Variants in DHX37 observed in about 807,000 individuals in gnomAD.
DHX37 encodes DEAH-box helicase 37, also known as probable ATP-dependent RNA helicase DHX37.
DHX37 carries 52 observed loss-of-function variants against 134.3 expected under a neutral mutation model. That is an observed-to-expected ratio of 0.39 (90% CI 0.31 to 0.49). DHX37 has a LOEUF of 0.49. Among genes scored for constraint, DHX37 ranks in the 20% least tolerant of loss-of-function variants. The probability of loss-of-function intolerance (pLI) is 0.93; values close to 1 mark genes in which losing one functional copy is unlikely to be tolerated. For missense variants in DHX37, 1,344 were observed against 1,580.8 expected, an observed-to-expected ratio of 0.85 and a Z score of 2.54; for synonymous variants, 634 against 670.7, an observed-to-expected ratio of 0.95 and a Z score of 0.85.
chr12:124,965,054 C>T, intron 13 of DHX37, 48 bp from the exon 14 acceptor site: 1 of 1,561,490 alleles, frequency 6.4e-7, no homozygotes, highest in South Asian at 1.2e-5. Flanking sequence ...GACAGATGCC[C>T]ACAGGCAGGA....
chr12:124,970,514 G>A (rs35428999), intron 8 of DHX37, among the ~76,000 whole-genome samples: 33,362 of 151,970 alleles, frequency 0.22, 4,358 homozygotes, highest in Non-Finnish European at 0.3. Flanking sequence ...AATGCACGCC[G>A]CTCACTCCCT....
intron 18 of DHX37, among the ~76,000 whole-genome samples, 194 bp from the exon 19 acceptor site, chr12:124,954,405 C>CT (rs913342364): frequency 4.9e-4 from 74 of 150,016 alleles, no homozygotes; most frequent in East Asian, 1.8e-3. Context: ...TTTTTTTTTT[C>CT]TTTTTTTTGA....
At chr12:124,960,932 C>T (rs572242433) in intron 15 of DHX37, among the ~76,000 whole-genome samples, 2 of 152,306 alleles carry the variant, frequency 1.3e-5, no homozygotes, top group East Asian at 1.9e-4. Flanking sequence ...CCAGCCTGGG[C>T]GACAGAGCGA....
At chr12:124,952,156 C>CA (rs1487733640) in intron 21 of DHX37, among the ~76,000 whole-genome samples, 7 of 151,808 alleles carry the variant, frequency 4.6e-5, no homozygotes, top group African/African-American at 1.5e-4. Flanking sequence ...CTAGAAAACA[C>CA]AAAAAACCCC....
chr12:124,957,350 C>T (rs1185136086), intron 16 of DHX37, among the ~76,000 whole-genome samples: 1 of 152,198 alleles, frequency 6.6e-6, no homozygotes, highest in Non-Finnish European at 1.5e-5. Context: ...CACTCAAAAA[C>T]ACGTCCCAAG....
At chr12:124,982,198 C>T (rs147328578) in intron 3 of DHX37, among the ~76,000 whole-genome samples, 64 of 151,964 alleles carry the variant, frequency 4.2e-4, no homozygotes, top group African/African-American at 1.4e-3. Flanking sequence ...CCCTTGACCA[C>T]CTAATGGCAA....
chr12:124,947,906 G>A lies in DHX37; in HGVS notation c.3389-19C>T. The A allele has an allele frequency of 1.2e-6, 2 of 1,610,440 alleles. No individual in the cohort carries two copies. Among genetic ancestry groups the A allele is most frequent in the Non-Finnish European group, 1.7e-6 (2 of 1,177,802 alleles). ...AGCAGGTCTGCAGGGGAGGGAAGGAGGACAGTGTCAGGGTGACCCTGGGCC... is the reference window on the plus strand; with the variant it reads ...AGCAGGTCTGCAGGGGAGGGAAGGAAGACAGTGTCAGGGTGACCCTGGGCC... On this transcript the variant is annotated intron_variant, in intron 26 of 26. Transcript: ENST00000308736.
chr12:124,947,744 G>A lies in DHX37; in HGVS notation c.*58C>T. The A allele has an allele frequency of 6.6e-7, 1 of 1,504,198 alleles. No individual in the cohort carries two copies. Among genetic ancestry groups the A allele is most frequent in the Admixed American group, 2.3e-5 (1 of 42,758 alleles). 93.2% of individuals were successfully genotyped at this position (1,504,198 alleles called of 1,614,324 possible). The stretch of plus-strand genomic sequence containing the variant: ...GGTGGTCACGGTCGCACGGTGACAG[G>A]CTGCTGCCAGCCCTCCAGTCCCCAA... On this transcript the variant is annotated 3_prime_UTR_variant, in exon 27 of 27. Coordinates refer to ENST00000308736, the MANE Select transcript of DHX37 (RefSeq NM_032656.4).
intron 18 of DHX37, among the ~76,000 whole-genome samples, chr12:124,955,588 G>A (rs1954076221): frequency 6.6e-6 from 1 of 152,228 alleles, no homozygotes; most frequent in Non-Finnish European, 1.5e-5. Flanking sequence ...TGGGATTACA[G>A]GCGTGAGCCA....
Position 124,964,606 on chromosome 12 carries a change from C to G in DHX37, c.1833G>C (p.Glu611Asp), listed in dbSNP as rs1954339820. ...KQAQVFKPPP[E>D]GTRLCVVATN... ...TGGCCACAACACACAACCGAGTCCC[C>G]TCCGGTGGAGGCTTAAAGACCTAGG... The change falls in exon 15 of 27, where the codon GAG (glutamate) becomes GAC (aspartate). Residue 611 changes from glutamate (E) to aspartate (D), a missense_variant. By Grantham distance (45) the Glu-to-Asp change is conservative. Around this residue, in one of 7 missense-constraint regions of DHX37, gnomAD observed 289 missense variants for 323.8 expected, o/e 0.89. Coordinates refer to ENST00000308736, the MANE Select transcript of DHX37 (RefSeq NM_032656.4). The G allele has an allele frequency of 6.2e-7, 1 of 1,611,128 alleles. No homozygotes were observed. The highest frequency in any genetic ancestry group is 8.5e-7 in the Non-Finnish European group (1 of 1,179,328).
chr12:124,959,352 C>T (rs952469014), intron 16 of DHX37, among the ~76,000 whole-genome samples: 20 of 151,952 alleles, frequency 1.3e-4, no homozygotes, highest in African/African-American at 4.4e-4. Flanking sequence ...AGATTACAGG[C>T]GTGAGCCACC....
chr12:124,948,500 A>C (rs1566318824), intron 25 of DHX37: 2 of 391,692 alleles, frequency 5.1e-6, no homozygotes, highest in Admixed American at 4.0e-5. Flanking sequence ...TAATCCCAGC[A>C]CTTTGGGAAG....
In DHX37 at chr12:124,975,659, AC is replaced by A. The variant is rs1954622945; in HGVS notation, c.888-149del. 7.8e-6 allele frequency: 6 copies of A among 765,810 alleles called. No homozygotes were observed. The Admixed American group carries it at 1.5e-4, about 19-fold the overall frequency. The allele number at this position is 765,810 out of a possible 1,614,324, so 47.4% of individuals were successfully genotyped here. ...ACAGTGCCAGGTTGCACTACTTTTA[AC>A]AGCAAACGGAACAGCCCAAAGGCCA... On this transcript the variant is annotated intron_variant, in intron 5 of 26. Coordinates refer to ENST00000308736, the MANE Select transcript of DHX37 (RefSeq NM_032656.4).
chr12:124,948,255 G>A (rs894649106), intron 25 of DHX37, 74 bp from the exon 26 acceptor site: 1 of 1,539,642 alleles, frequency 6.5e-7, no homozygotes, highest in African/African-American at 1.4e-5. Flanking sequence ...CCCGAAAGCA[G>A]GGCAGGCATC....
chr12:124,966,102 G>C (rs141631805), intron 12 of DHX37, among the ~76,000 whole-genome samples: 91 of 152,096 alleles, frequency 6.0e-4, no homozygotes, highest in African/African-American at 2.1e-3. Flanking sequence ...GTCAGAGACG[G>C]CTGAGTGCTT....
intron 1 of DHX37, among the ~76,000 whole-genome samples, chr12:124,988,644 T>C (rs1437425367): frequency 1.3e-5 from 2 of 152,010 alleles, no homozygotes; most frequent in African/African-American, 4.8e-5. Context: ...ATCGAAGTCA[T>C]GGGAAGGGAT....
At chr12:124,962,012 T>C (rs189339492) in intron 15 of DHX37, among the ~76,000 whole-genome samples, 27 of 152,172 alleles carry the variant, frequency 1.8e-4, no homozygotes, top group African/African-American at 6.3e-4. Context: ...CAGGGCTGTG[T>C]GTGACAGGAA....
intron 8 of DHX37, among the ~76,000 whole-genome samples, chr12:124,969,384 T>G (rs1011166479): frequency 2.2e-4 from 34 of 152,142 alleles, no homozygotes; most frequent in African/African-American, 7.7e-4. Context: ...CCTAATGGCC[T>G]CATGGTGAGC....
chr12:124,953,522 G>A (rs1209884430), intron 20 of DHX37: 6 of 274,532 alleles, frequency 2.2e-5, no homozygotes, highest in Non-Finnish European at 4.3e-5. Context: ...TAGAGTCCAG[G>A]GCAAGGCCTC....
Sources: allele counts gnomAD v4.1 joint callset (sites outside exome capture counted in the v4.1 genomes callset), GRCh38; gene constraint gnomAD v4.1.1; regional missense constraint gnomAD v4.1.1; transcripts MANE v1.5; gene names NCBI Gene and HGNC (gene_info 2026-07-23, HGNC 2026-07-21).